The following ABCB4 variants were observed in gnomAD, a reference collection of about 807,000 sequenced individuals.
ABCB4 encodes the protein ATP binding cassette subfamily B member 4.
ABCB4 carries 76 observed loss-of-function variants against 145.7 expected under a neutral mutation model. The ratio of observed to expected loss-of-function variants is 0.52; its 90% CI spans 0.43 to 0.63. ABCB4 has a LOEUF of 0.63. Among genes scored for constraint, ABCB4 ranks in the 30% least tolerant of loss-of-function variants. The pLI is 0.00. For missense variants in ABCB4, 1,234 were observed against 1,553.1 expected (o/e 0.79, Z 3.45); for synonymous variants, 517 against 566.8 (o/e 0.91, Z 1.25).
chr7:87,398,941 C>T, downstream of ABCB4: 1 of 282,950 alleles, frequency 3.5e-6, no homozygotes, highest in East Asian at 8.6e-5. Flanking sequence ...TTTAACAATG[C>T]AAGTCTTACT....
At chr7:87,384,310 TC>T in the ABCB4 span, among the ~76,000 whole-genome samples, 1 of 152,150 alleles carries the variant, frequency 6.6e-6, no homozygotes, top group Non-Finnish European at 1.5e-5. Context: ...GGTGGGCAGA[TC>T]ACCTGAGGTC....
At chr7:87,417,573 A>AGAAT in intron 20 of ABCB4, 58 bp from the exon 21 acceptor site, 1 of 1,406,530 alleles carries the variant, frequency 7.1e-7, no homozygotes, top group Non-Finnish European at 1.0e-6. Flanking sequence ...CATGCGCTCC[A>AGAAT]GCCTTAGCCT....
At chr7:87,368,427 T>C in the ABCB4 span, among the ~76,000 whole-genome samples, 44 of 152,268 alleles carry the variant, frequency 2.9e-4, no homozygotes, top group East Asian at 5.2e-3. Flanking sequence ...TGGAGGTTTT[T>C]GAAGGGGAAG....
chr7:87,470,369 A>G (rs1232985574), intron 3 of ABCB4, among the ~76,000 whole-genome samples: 3 of 152,230 alleles, frequency 2.0e-5, no homozygotes, highest in African/African-American at 7.2e-5. Context: ...ATTGACAAAA[A>G]TGGGATCTAA....
intron 26 of ABCB4, among the ~76,000 whole-genome samples, chr7:87,404,543 T>C (rs1467542314): frequency 6.6e-6 from 1 of 152,182 alleles, no homozygotes; most frequent in Non-Finnish European, 1.5e-5. Flanking sequence ...AAACTTTTGC[T>C]CTGCAAAGAC....
chr7:87,446,727 G>T (rs1302369021), intron 9 of ABCB4, among the ~76,000 whole-genome samples: 3 of 152,106 alleles, frequency 2.0e-5, no homozygotes, highest in Admixed American at 6.5e-5. Context: ...AAACTCAACG[G>T]CAGAGGGAGG....
chr7:87,452,595 A>G (rs1811818657), intron 6 of ABCB4: 1 of 335,810 alleles, frequency 3.0e-6, no homozygotes, highest in Non-Finnish European at 5.6e-6. Context: ...GTTGACAATT[A>G]CTAAAGCAAG....
intron 26 of ABCB4, 91 bp from the exon 27 acceptor site, chr7:87,403,372 A>T (rs987075228): frequency 1.3e-5 from 16 of 1,238,350 alleles, no homozygotes; most frequent in Admixed American, 8.6e-5. Context: ...AGAGTCAATA[A>T]CAGTTTCTAT....
At position 87,431,419 on chromosome 7, in the gene ABCB4, T is replaced by C; in HGVS notation, c.1878A>G (p.Lys626=). ...ELMKKEGVYF[K]LVNMQTSGSQ... The stretch of plus-strand genomic sequence containing the variant: ...AAGCAAGTACCTGCATGTTGACAAG[T>C]TTGAAGTACACCCCTTCCTTCTTCA... Residue 626 remains lysine, a synonymous_variant, in exon 15 of 28, where the codon AAA becomes AAG. Transcript: ENST00000649586. 1 of 1,614,062 alleles carries C rather than the reference T, an allele frequency of 6.2e-7. No homozygotes were observed. Among genetic ancestry groups the C allele is most frequent in the Non-Finnish European group, 8.5e-7 (1 of 1,179,954 alleles).
At chr7:87,460,638 T>A (rs1316286043) in intron 4 of ABCB4, among the ~76,000 whole-genome samples, 1 of 150,790 alleles carries the variant, frequency 6.6e-6, no homozygotes, top group African/African-American at 2.4e-5. Flanking sequence ...ATTTATTTAT[T>A]TATTTATTTA....
intron 18 of ABCB4, among the ~76,000 whole-genome samples, chr7:87,420,457 C>T (rs1289530879): frequency 2.0e-5 from 3 of 152,138 alleles, no homozygotes; most frequent in African/African-American, 7.2e-5. Context: ...ACCCAGCCTC[C>T]AGCTTGGGGA....
chr7:87,426,951 G>GTGTA lies in ABCB4; in HGVS notation c.1894-32_1894-31insTACA, dbSNP rs1352340361. 3 of 1,417,252 alleles carry GTGTA rather than the reference G, an allele frequency of 2.1e-6. No individual in the cohort carries two copies. The Admixed American group carries it at 5.3e-5, about 25-fold the overall frequency. The allele number at this position is 1,417,252 out of a possible 1,614,324, so 87.8% of individuals were successfully genotyped here. Reference sequence around the variant, plus strand: ...AGAATATCAAGACATTAAAGTGTGTGTGTGTGTGTGTGTGTGTGTGTGTGT... The same window carrying GTGTA: ...AGAATATCAAGACATTAAAGTGTGTGTGTATGTGTGTGTGTGTGTGTGTGTGTGT... On this transcript the variant is annotated intron_variant, in intron 15 of 27. Transcript: ENST00000649586.
chr7:87,403,398 T>A, intron 26 of ABCB4, 117 bp from the exon 27 acceptor site: 3 of 952,514 alleles, frequency 3.1e-6, no homozygotes, highest in Non-Finnish European at 3.3e-6. Context: ...TGTTTCAACT[T>A]AACAGAGTGT....
the ABCB4 span, chr7:87,392,513 T>C: frequency 1.4e-6 from 2 of 1,397,498 alleles, no homozygotes; most frequent in Admixed American, 1.9e-5. Flanking sequence ...GATTTTTTTC[T>C]AGTTGGGTTT....
chr7:87,366,225 T>A, the ABCB4 span, among the ~76,000 whole-genome samples: 81 of 151,432 alleles, frequency 5.3e-4, no homozygotes, highest in Non-Finnish European at 1.5e-5. Context: ...ACTTCCCCTG[T>A]ACCCTCGCAA....
At chr7:87,388,080 T>C in the ABCB4 span, among the ~76,000 whole-genome samples, 16 of 152,222 alleles carry the variant, frequency 1.1e-4, no homozygotes, top group African/African-American at 3.6e-4. Flanking sequence ...CAGATGGGAC[T>C]TCCTCCAAGA....
At chr7:87,391,124 G>A in the ABCB4 span, among the ~76,000 whole-genome samples, 25 of 152,306 alleles carry the variant, frequency 1.6e-4, no homozygotes, top group African/African-American at 2.9e-4. Flanking sequence ...GTTTTCTGCC[G>A]CTAGGGCCTC....
chr7:87,433,671 TGTTG>T (rs769807695), intron 14 of ABCB4, among the ~76,000 whole-genome samples: 181 of 137,114 alleles, frequency 1.3e-3, no homozygotes, highest in African/African-American at 4.1e-3. Context: ...AAAAAATTGT[TGTTG>T]TTTTTTTTTT....
At chr7:87,413,212 T>G (rs945578452) in intron 22 of ABCB4, among the ~76,000 whole-genome samples, 1 of 152,194 alleles carries the variant, frequency 6.6e-6, no homozygotes. Context: ...AGAGAACAAA[T>G]GAAATACTTT....
Sources: gnomAD v4.1 joint callset for allele counts (sites outside exome capture counted in the v4.1 genomes callset) on GRCh38, gnomAD v4.1.1 for gene constraint, MANE v1.5 for transcripts, NCBI Gene and HGNC (gene_info 2026-07-23, HGNC 2026-07-21) for gene names.